The following EYS variants were observed in gnomAD, a reference collection of about 807,000 sequenced individuals.
The protein encoded by EYS is EGF-like photoreceptor maintenance factor.
Under a neutral mutation model 282.1 loss-of-function variants are expected in EYS, and 250 were observed. That is an observed-to-expected ratio of 0.89 (90% CI 0.80 to 0.98). EYS has a LOEUF of 0.98. EYS is among the 50% of genes least tolerant of loss of function. The probability of loss-of-function intolerance (pLI) is 0.00; values close to 1 mark genes in which losing one functional copy is unlikely to be tolerated. For synonymous variants in EYS, 1,355 were observed against 1,282.9 expected, an observed-to-expected ratio of 1.06 and a Z score of -1.20; for missense variants, 4,016 against 3,709.0, an observed-to-expected ratio of 1.08 and a Z score of -2.15.
At chr6:65,345,115 T>C (rs1770345152) in intron 9 of EYS, among the ~76,000 whole-genome samples, 1 of 151,628 alleles carries the variant, frequency 6.6e-6, no homozygotes, top group Non-Finnish European at 1.5e-5. Flanking sequence ...GTGTGAATAT[T>C]TCACCAAGAA....
chr6:64,432,647 G>T (rs1376231914), intron 28 of EYS, among the ~76,000 whole-genome samples: 2 of 151,716 alleles, frequency 1.3e-5, no homozygotes, highest in Non-Finnish European at 2.9e-5. Context: ...TATACCAACA[G>T]ACATGAATAA....
chr6:65,148,093 C>T (rs1764522599), intron 12 of EYS, among the ~76,000 whole-genome samples: 1 of 151,948 alleles, frequency 6.6e-6, no homozygotes. Context: ...GTCATTCCAC[C>T]CCCAGCCCAT....
chr6:64,284,644 C>A (rs1768431533), intron 30 of EYS, among the ~76,000 whole-genome samples: 1 of 152,202 alleles, frequency 6.6e-6, no homozygotes, highest in African/African-American at 2.4e-5. Flanking sequence ...ATGAGAGCCC[C>A]ACCTCTGCAG....
At chr6:65,401,814 C>T (rs774420701) in intron 7 of EYS, among the ~76,000 whole-genome samples, 5 of 151,868 alleles carry the variant, frequency 3.3e-5, no homozygotes, top group Non-Finnish European at 7.4e-5. Context: ...AGGCTACTTA[C>T]TGCTTTTCAA....
At chr6:65,046,740 A>T (rs1017880564) in intron 13 of EYS, among the ~76,000 whole-genome samples, 1 of 151,900 alleles carries the variant, frequency 6.6e-6, no homozygotes, top group African/African-American at 2.4e-5. Flanking sequence ...TTAAATGTGA[A>T]AAGTTTTATA....
At chr6:64,469,388 A>G (rs1283999794) in intron 26 of EYS, among the ~76,000 whole-genome samples, 3 of 152,132 alleles carry the variant, frequency 2.0e-5, no homozygotes, top group Non-Finnish European at 4.4e-5. Flanking sequence ...CTTAGATATG[A>G]TTATATATAA....
rs202012329 is a variant in EYS, at chr6:64,826,734, GT to G, written c.2993-3913del. Among the ~76,000 whole-genome samples the G allele has an allele frequency of 2.2e-3, 321 of 147,210 alleles. 5 individuals are homozygous for G. Among genetic ancestry groups the G allele is most frequent in the East Asian group, 0.016 (80 of 5,006 alleles). ...AATCAGCTGTCTTTTTTCAGACTGT[GT>G]TTTTTTTTCTTACTTTCTCTTCATT... On this transcript the variant is annotated intron_variant, in intron 19 of 42. Transcript: ENST00000503581.
At chr6:64,468,201 C>G (rs181732846) in intron 26 of EYS, among the ~76,000 whole-genome samples, 18 of 152,278 alleles carry the variant, frequency 1.2e-4, no homozygotes, top group Admixed American at 6.5e-5. Context: ...TTGTTCCCAA[C>G]AAAGCCTTGT....
intron 12 of EYS, among the ~76,000 whole-genome samples, chr6:65,279,200 AT>A (rs113827206): frequency 0.062 from 9,208 of 149,232 alleles, 282 homozygotes; most frequent in South Asian, 0.094. Flanking sequence ...ATAAAAAAAA[AT>A]AATAATAACA....
At chr6:65,227,999 T>C (rs978325021) in intron 12 of EYS, among the ~76,000 whole-genome samples, 74 of 152,198 alleles carry the variant, frequency 4.9e-4, no homozygotes, top group African/African-American at 1.5e-3. Flanking sequence ...ATAAGGATGA[T>C]GGTCACATAA....
chr6:64,393,533 C>A (rs1311342107), intron 28 of EYS, among the ~76,000 whole-genome samples: 2 of 152,070 alleles, frequency 1.3e-5, no homozygotes, highest in Non-Finnish European at 2.9e-5. Context: ...ACAAAAACCA[C>A]ATGATTATCT....
chr6:64,492,361 G>A (rs9444888), intron 26 of EYS, among the ~76,000 whole-genome samples: 3,262 of 151,176 alleles, frequency 0.022, 61 homozygotes, highest in African/African-American at 0.053. Context: ...TTTTAAGAAC[G>A]TGTTGTATGT....
At chr6:64,734,413 T>C (rs1479953628) in intron 22 of EYS, among the ~76,000 whole-genome samples, 1 of 152,194 alleles carries the variant, frequency 6.6e-6, no homozygotes, top group Non-Finnish European at 1.5e-5. Flanking sequence ...ATATCTGGCA[T>C]ATGCAATAGG....
intron 23 of EYS, among the ~76,000 whole-genome samples, chr6:64,625,715 G>GGAATTTTTTATTTA (rs1201810591): frequency 6.6e-6 from 1 of 152,142 alleles, no homozygotes; most frequent in East Asian, 1.9e-4. Flanking sequence ...AAGAAAACAA[G>GGAATTTTTTATTTA]TTTATTCAGC....
chr6:64,691,341 A>G (rs1030314330), intron 22 of EYS, among the ~76,000 whole-genome samples: 1 of 152,202 alleles, frequency 6.6e-6, no homozygotes, highest in Non-Finnish European at 1.5e-5. Flanking sequence ...AAATGCGTCT[A>G]TACACAGAGA....
At chr6:65,012,498 C>A (rs1341507130) in intron 13 of EYS, among the ~76,000 whole-genome samples, 1 of 152,104 alleles carries the variant, frequency 6.6e-6, no homozygotes, top group Non-Finnish European at 1.5e-5. Context: ...AGTCCTTGAA[C>A]TGCTTGGGTT....
Position 63,997,689 on chromosome 6 carries a change from G to T in EYS, c.6834+1386C>A, listed in dbSNP as rs142602527. Among the ~76,000 whole-genome samples the T allele has an allele frequency of 4.1e-3, 620 of 152,244 alleles. 6 individuals are homozygous for T. The highest frequency in any genetic ancestry group is 0.014 in the African/African-American group (580 of 41,544). On this transcript the variant is annotated intron_variant, in intron 34 of 42. Coordinates refer to ENST00000503581, the MANE Select transcript of EYS (RefSeq NM_001142800.2). ...GTATTTCATTTCGTCAGCCTAAAGGGCAAGGTAACTGGTTTGTCAAAGAGG... is the reference window on the plus strand; with the variant it reads ...GTATTTCATTTCGTCAGCCTAAAGGTCAAGGTAACTGGTTTGTCAAAGAGG...
chr6:64,459,416 G>C (rs978687964), intron 26 of EYS, among the ~76,000 whole-genome samples: 4 of 152,146 alleles, frequency 2.6e-5, no homozygotes, highest in African/African-American at 7.2e-5. Flanking sequence ...TCTAAAGAGA[G>C]AGAACTAATG....
At chr6:64,829,433 T>TTA (rs1482356584) in intron 19 of EYS, among the ~76,000 whole-genome samples, 4 of 151,964 alleles carry the variant, frequency 2.6e-5, no homozygotes, top group Non-Finnish European at 5.9e-5. Context: ...CACTACACAC[T>TTA]TAATGGTCAG....
Sources: allele counts gnomAD v4.1 joint callset (sites outside exome capture counted in the v4.1 genomes callset), GRCh38; gene constraint gnomAD v4.1.1; transcripts MANE v1.5; gene names NCBI Gene and HGNC (gene_info 2026-07-23, HGNC 2026-07-21).